Variants in FUT9 observed in about 807,000 individuals in gnomAD.
The protein encoded by FUT9 is fucosyltransferase 9.
In FUT9, 15 loss-of-function variants were observed where a neutral mutation model predicts 29.7. That is an observed-to-expected ratio of 0.51 (90% CI 0.34 to 0.78). The LOEUF (loss-of-function observed/expected upper bound fraction) is 0.78. FUT9 is among the 30% of genes least tolerant of loss of function. The probability of loss-of-function intolerance (pLI) is 0.01; values close to 1 mark genes in which losing one functional copy is unlikely to be tolerated. For missense variants in FUT9, 319 were observed against 425.4 expected, an observed-to-expected ratio of 0.75 and a Z score of 2.20; for synonymous variants, 169 against 153.7, an observed-to-expected ratio of 1.10 and a Z score of -0.74.
intron 1 of FUT9, among the ~76,000 whole-genome samples, chr6:96,052,810 G>GA (rs749726369): frequency 4.0e-5 from 6 of 150,818 alleles, no homozygotes; most frequent in Non-Finnish European, 5.9e-5. Flanking sequence ...AAAAAAATCT[G>GA]AAAAAAAAAT....
intron 1 of FUT9, among the ~76,000 whole-genome samples, chr6:96,029,603 G>T (rs1008241524): frequency 6.6e-6 from 1 of 151,534 alleles, no homozygotes; most frequent in African/African-American, 2.4e-5. Context: ...AGGTATAAAT[G>T]ATTGGCATCA....
chr6:96,150,231 G>A (rs1013846917), intron 2 of FUT9, among the ~76,000 whole-genome samples: 1 of 152,174 alleles, frequency 6.6e-6, no homozygotes. Context: ...TTAGAATTCA[G>A]AATGAAGGAG....
At chr6:96,100,124 G>A (rs1771561685) in intron 1 of FUT9, among the ~76,000 whole-genome samples, 1 of 151,874 alleles carries the variant, frequency 6.6e-6, no homozygotes, top group Admixed American at 6.6e-5. Context: ...AATAGCAATG[G>A]TCTTACTAGA....
intron 2 of FUT9, among the ~76,000 whole-genome samples, chr6:96,117,755 AT>A (rs1247110455): frequency 6.6e-6 from 1 of 152,218 alleles, no homozygotes. Context: ...AAATATTCTT[AT>A]TTGTTAAATT....
chr6:96,146,239 G>T (rs1439568564), intron 2 of FUT9, among the ~76,000 whole-genome samples: 4 of 152,094 alleles, frequency 2.6e-5, no homozygotes, highest in Non-Finnish European at 1.5e-5. Flanking sequence ...AACTGCAGGG[G>T]CTACTCTGGG....
intron 2 of FUT9, among the ~76,000 whole-genome samples, chr6:96,189,187 A>G (rs1416483141): frequency 6.6e-6 from 1 of 152,038 alleles, no homozygotes; most frequent in Non-Finnish European, 1.5e-5. Flanking sequence ...GAAAAGGAAT[A>G]TATCAGTAAA....
intron 2 of FUT9, among the ~76,000 whole-genome samples, chr6:96,185,840 T>G (rs979537529): frequency 6.6e-6 from 1 of 152,068 alleles, no homozygotes. Flanking sequence ...ATTCACAAGA[T>G]TGTTTATTAG....
chr6:96,115,056 G>T (rs935213530), intron 2 of FUT9, among the ~76,000 whole-genome samples: 50 of 152,300 alleles, frequency 3.3e-4, no homozygotes, highest in African/African-American at 1.1e-3. Context: ...TCAGAGAATT[G>T]CAGGTGGTGG....
intron 2 of FUT9, among the ~76,000 whole-genome samples, chr6:96,155,294 G>A (rs1158746962): frequency 1.3e-5 from 2 of 152,136 alleles, no homozygotes; most frequent in East Asian, 1.9e-4. Context: ...TTTTGGGAGG[G>A]GAGAGAGTGT....
At chr6:96,044,588 A>G (rs1770525274) in intron 1 of FUT9, among the ~76,000 whole-genome samples, 1 of 152,238 alleles carries the variant, frequency 6.6e-6, no homozygotes, top group Non-Finnish European at 1.5e-5. Flanking sequence ...CAAACCAGTA[A>G]TAATTGAAAC....
intron 2 of FUT9, among the ~76,000 whole-genome samples, chr6:96,153,856 C>T (rs927998065): frequency 1.3e-5 from 2 of 152,296 alleles, no homozygotes; most frequent in African/African-American, 2.4e-5. Flanking sequence ...TTTCCTGCCC[C>T]TTTCAGAGAC....
At chr6:96,060,514 T>A (rs9498926) in intron 1 of FUT9, among the ~76,000 whole-genome samples, 82,282 of 151,224 alleles carry the variant, frequency 0.54, 22,461 homozygotes, top group South Asian at 0.63. Context: ...TCTGTAACAT[T>A]AAGCATAACT....
At chr6:96,111,951 T>C (rs1231297689) in intron 1 of FUT9, among the ~76,000 whole-genome samples, 1 of 152,228 alleles carries the variant, frequency 6.6e-6, no homozygotes, top group Non-Finnish European at 1.5e-5. Context: ...TTTGTGGTTT[T>C]ACTCATTTAA....
chr6:96,129,618 T>C (rs183115984), intron 2 of FUT9, among the ~76,000 whole-genome samples: 4 of 152,142 alleles, frequency 2.6e-5, no homozygotes, highest in African/African-American at 7.2e-5. Context: ...GAAAAAGTTC[T>C]AAAAGGATAT....
At chr6:96,200,355 G>A (rs929970331) in intron 2 of FUT9, among the ~76,000 whole-genome samples, 10 of 152,262 alleles carry the variant, frequency 6.6e-5, no homozygotes, top group Middle Eastern at 3.4e-3. Flanking sequence ...GATTATTCAC[G>A]TTTGTATTAT....
rs1004940730 is a variant in FUT9, at chr6:96,210,069, C to A, written c.*5834C>A. 1 of 166,888 alleles carries A rather than the reference C, an allele frequency of 6.0e-6. No individual in the cohort carries two copies. Among genetic ancestry groups the A allele is most frequent in the Admixed American group, 6.6e-5 (1 of 15,226 alleles). The allele number at this position is 166,888 out of a possible 1,614,324, so 10.3% of individuals were successfully genotyped here. A position where few individuals can be genotyped will look rare whatever the true frequency, so the allele number is the denominator to read the frequency against. On this transcript the variant is annotated 3_prime_UTR_variant, in exon 3 of 3. Coordinates refer to ENST00000302103, the MANE Select transcript of FUT9 (RefSeq NM_006581.4). ...TGTTAATAATACACAGCTTCTGAATCTCTGGGTGTGAGATGGGACCAGGAA... is the reference window on the plus strand; with the variant it reads ...TGTTAATAATACACAGCTTCTGAATATCTGGGTGTGAGATGGGACCAGGAA...
intron 2 of FUT9, among the ~76,000 whole-genome samples, chr6:96,114,915 T>G (rs1230884355): frequency 6.6e-6 from 1 of 152,146 alleles, no homozygotes; most frequent in Non-Finnish European, 1.5e-5. Context: ...TAAGGCATGT[T>G]TAGGGTGTCA....
chr6:96,172,676 CTAAAAG>C (rs1186980498), intron 2 of FUT9, among the ~76,000 whole-genome samples: 1 of 151,852 alleles, frequency 6.6e-6, no homozygotes, highest in Admixed American at 6.6e-5. Flanking sequence ...TGGACAAACA[CTAAAAG>C]TTTAAGGCTG....
intron 2 of FUT9, among the ~76,000 whole-genome samples, chr6:96,130,489 T>C (rs927885912): frequency 4.6e-5 from 7 of 152,276 alleles, no homozygotes; most frequent in Admixed American, 4.6e-4. Context: ...CCCATCCTTT[T>C]TTGAAAATAT....
Sources: allele counts gnomAD v4.1 joint callset (sites outside exome capture counted in the v4.1 genomes callset), GRCh38; gene constraint gnomAD v4.1.1; transcripts MANE v1.5; gene names NCBI Gene and HGNC (gene_info 2026-07-23, HGNC 2026-07-21).